RHEB: variants seen among roughly 807,000 people sequenced by gnomAD.
RHEB encodes the protein Ras homolog, mTORC1 binding, also known as GTP-binding protein Rheb.
A neutral mutation model predicts 28.8 loss-of-function variants in RHEB; 2 were observed. That is an observed-to-expected ratio of 0.07 (90% confidence interval 0.03 to 0.22). The LOEUF is 0.22. Among genes scored for constraint, RHEB ranks in the 10% least tolerant of loss-of-function variants. RHEB has a pLI of 1.00. For missense variants in RHEB, 76 were observed against 219.9 expected (o/e 0.35, Z 4.14); for synonymous variants, 69 against 77.3 (o/e 0.89, Z 0.56).
intron 2 of RHEB, among the ~76,000 whole-genome samples, chr7:151,490,230 G>A (rs898451824): frequency 6.6e-6 from 1 of 152,126 alleles, no homozygotes; most frequent in African/African-American, 2.4e-5. Flanking sequence ...TTGAGTCCAG[G>A]ATATTGAGTC....
In RHEB at chr7:151,482,980, G is replaced by A. The variant is rs1162116529; in HGVS notation, c.192+1757C>T. Among the ~76,000 whole-genome samples the A allele has an allele frequency of 2.0e-5, 3 of 152,132 alleles. No homozygotes were observed. In the East Asian group the frequency reaches 5.8e-4, roughly 29 times the overall value. On this transcript the variant is annotated intron_variant, in intron 3 of 7. Coordinates refer to ENST00000262187, the MANE Select transcript of RHEB (RefSeq NM_005614.4). ...CCAACTCCTATTCTTCTGTCAAGAG[G>A]ACAGGTATCAGGGGGTGAAAGCCTA...
rs1331033317 is a variant in RHEB, at chr7:151,519,644, C to G, written c.-133G>C. The G allele has an allele frequency of 6.7e-6, 5 of 743,498 alleles. No homozygotes were observed. The highest frequency in any genetic ancestry group is 9.3e-6 in the Non-Finnish European group (5 of 535,766). 46.1% of individuals were successfully genotyped at this position (743,498 alleles called of 1,614,324 possible). A position where few individuals can be genotyped will look rare whatever the true frequency, so the allele number is the denominator to read the frequency against. On this transcript the variant is annotated 5_prime_UTR_variant, in exon 1 of 8. Transcript: ENST00000262187. ...GGGGCGGCGGCGGGCGCGGCTGCCT[C>G]TCGCTCGCTAGCTCGCGCGCTCCCA...
intron 7 of RHEB, 146 bp downstream of exon 7, chr7:151,470,425 G>A: frequency 1.8e-6 from 1 of 559,654 alleles, no homozygotes. Context: ...TCTTCCTAAA[G>A]CAACACAAAA....
intron 1 of RHEB, chr7:151,502,740 C>T (rs1265226584): frequency 5.1e-6 from 8 of 1,571,494 alleles, no homozygotes; most frequent in South Asian, 3.3e-5. Flanking sequence ...GCGTTTTGCC[C>T]GTTTAAAAAT....
At chr7:151,480,529 G>A (rs79922444) in intron 3 of RHEB, among the ~76,000 whole-genome samples, 3 of 151,864 alleles carry the variant, frequency 2.0e-5, no homozygotes, top group Non-Finnish European at 2.9e-5. Context: ...GGGTAGGAAC[G>A]TCTTAAGTTT....
At chr7:151,500,400 G>A (rs12154249) in intron 1 of RHEB, among the ~76,000 whole-genome samples, 4,217 of 152,292 alleles carry the variant, frequency 0.028, 82 homozygotes, top group Middle Eastern at 0.054. Context: ...AATTAAGACA[G>A]TGTGGTACTG....
intron 1 of RHEB, chr7:151,503,477 A>G (rs1802809248): frequency 1.9e-6 from 2 of 1,054,796 alleles, no homozygotes; most frequent in Non-Finnish European, 2.9e-6. Context: ...TGAGTCTGGC[A>G]AAACGTGCCT....
intron 1 of RHEB, among the ~76,000 whole-genome samples, chr7:151,498,930 T>TTAATTC (rs1802720510): frequency 6.6e-6 from 1 of 152,236 alleles, no homozygotes. Flanking sequence ...TGACTATGGA[T>TTAATTC]TAATTCATTC....
chr7:151,480,332 C>T (rs1802360299), intron 3 of RHEB, among the ~76,000 whole-genome samples: 1 of 151,834 alleles, frequency 6.6e-6, no homozygotes, highest in Admixed American at 6.6e-5. Flanking sequence ...GAAAAGGAGG[C>T]CATAGGTATT....
intron 2 of RHEB, among the ~76,000 whole-genome samples, chr7:151,488,028 C>A (rs1326512692): frequency 6.6e-6 from 1 of 152,204 alleles, no homozygotes; most frequent in Non-Finnish European, 1.5e-5. Context: ...TAAGTGCAAC[C>A]TCCCAACTTT....
At chr7:151,501,544 G>A (rs1802771775) in intron 1 of RHEB, among the ~76,000 whole-genome samples, 1 of 152,128 alleles carries the variant, frequency 6.6e-6, no homozygotes. Context: ...AGCAGCTTCT[G>A]AAAAGCTTAA....
intron 1 of RHEB, chr7:151,502,763 T>G: frequency 6.7e-7 from 1 of 1,499,594 alleles, no homozygotes; most frequent in Non-Finnish European, 9.3e-7. Flanking sequence ...AAAAGCGACA[T>G]AACTATGTTC....
intron 2 of RHEB, among the ~76,000 whole-genome samples, chr7:151,487,076 G>A (rs1326397170): frequency 6.6e-6 from 1 of 152,222 alleles, no homozygotes; most frequent in Non-Finnish European, 1.5e-5. Context: ...GGCCCAGGCA[G>A]GAGGACTGCT....
intron 1 of RHEB, among the ~76,000 whole-genome samples, chr7:151,498,576 C>A (rs1802714648): frequency 6.6e-6 from 1 of 152,092 alleles, no homozygotes; most frequent in Admixed American, 6.6e-5. Flanking sequence ...GCACTCCAGC[C>A]TGGGTGACAG....
chr7:151,490,288 AAAAT>A (rs1365967753), intron 2 of RHEB, among the ~76,000 whole-genome samples: 1 of 152,218 alleles, frequency 6.6e-6, no homozygotes, highest in East Asian at 1.9e-4. Context: ...AAAATAAAAT[AAAAT>A]AAATAAATAG....
intron 1 of RHEB, among the ~76,000 whole-genome samples, chr7:151,499,491 C>T (rs1802732790): frequency 6.6e-6 from 1 of 152,210 alleles, no homozygotes; most frequent in Non-Finnish European, 1.5e-5. Flanking sequence ...AAGTTAAGCG[C>T]TCTGGGCCTC....
chr7:151,502,228 CAA>C (rs34312270), intron 1 of RHEB: 35,680 of 325,072 alleles, frequency 0.11, 4 homozygotes, highest in South Asian at 0.15. Flanking sequence ...AGAGCTGTCT[CAA>C]AAAAAAAAAA....
At chr7:151,481,418 C>A (rs1364940283) in intron 3 of RHEB, among the ~76,000 whole-genome samples, 1 of 152,182 alleles carries the variant, frequency 6.6e-6, no homozygotes, top group Non-Finnish European at 1.5e-5. Context: ...AGCCAGTGAA[C>A]AAATTTACTA....
chr7:151,485,902 C>A (rs1241821033), intron 2 of RHEB, among the ~76,000 whole-genome samples: 1 of 152,114 alleles, frequency 6.6e-6, no homozygotes, highest in East Asian at 1.9e-4. Flanking sequence ...AGCATGAAAT[C>A]AATGGCCACA....
Sources: allele counts gnomAD v4.1 joint callset (sites outside exome capture counted in the v4.1 genomes callset), GRCh38; gene constraint gnomAD v4.1.1; transcripts MANE v1.5; gene names NCBI Gene and HGNC (gene_info 2026-07-23, HGNC 2026-07-21).